The following DLGAP1 variants were observed in gnomAD, a reference collection of about 807,000 sequenced individuals.
DLGAP1 encodes DLG associated protein 1.
A neutral mutation model predicts 90.8 loss-of-function variants in DLGAP1; 11 were observed. The ratio of observed to expected loss-of-function variants is 0.12; its 90% CI spans 0.08 to 0.20. DLGAP1 has a LOEUF of 0.20. Among genes scored for constraint, DLGAP1 ranks in the 10% least tolerant of loss-of-function variants. The probability of loss-of-function intolerance (pLI) is 1.00; values close to 1 mark genes in which losing one functional copy is unlikely to be tolerated. For synonymous variants in DLGAP1, 558 were observed against 540.7 expected (o/e 1.03, Z -0.44); for missense variants, 1,050 against 1,333.8 (o/e 0.79, Z 3.31).
chr18:3,763,951 T>C (rs1198284163), intron 5 of DLGAP1, among the ~76,000 whole-genome samples: 3 of 152,154 alleles, frequency 2.0e-5, no homozygotes, highest in Admixed American at 6.5e-5. Flanking sequence ...CGTGCAGCAC[T>C]GCGCCTGGCC....
chr18:3,886,121 C>T (rs1387988047), intron 3 of DLGAP1, among the ~76,000 whole-genome samples: 1 of 152,128 alleles, frequency 6.6e-6, no homozygotes, highest in Non-Finnish European at 1.5e-5. Context: ...TGTCTTACCC[C>T]ATGAGGATGG....
At chr18:4,118,440 G>A (rs1329838618) in intron 2 of DLGAP1, among the ~76,000 whole-genome samples, 1 of 152,116 alleles carries the variant, frequency 6.6e-6, no homozygotes, top group Non-Finnish European at 1.5e-5. Context: ...GAAGTGAGCT[G>A]GGATGAAGGT....
chr18:4,276,121 G>C (rs2079406910), intron 1 of DLGAP1, among the ~76,000 whole-genome samples: 1 of 148,930 alleles, frequency 6.7e-6, no homozygotes, highest in Non-Finnish European at 1.5e-5. Context: ...AAGAAAAATG[G>C]GAAACCACTG....
At chr18:3,968,191 T>C (rs2073369385) in intron 3 of DLGAP1, among the ~76,000 whole-genome samples, 1 of 152,210 alleles carries the variant, frequency 6.6e-6, no homozygotes, top group Non-Finnish European at 1.5e-5. Context: ...CCTGCCCCAC[T>C]TCTTTCTCCT....
At chr18:4,382,697 A>T (rs368405815) in intron 1 of DLGAP1, among the ~76,000 whole-genome samples, 6 of 152,284 alleles carry the variant, frequency 3.9e-5, no homozygotes, top group African/African-American at 1.4e-4. Flanking sequence ...AGGAATGCTA[A>T]TTCAGTTTTT....
chr18:4,360,898 T>C (rs2081616995), intron 1 of DLGAP1, among the ~76,000 whole-genome samples: 1 of 152,032 alleles, frequency 6.6e-6, no homozygotes, highest in Non-Finnish European at 1.5e-5. Flanking sequence ...GAGAATCACT[T>C]GAACCCAACA....
intron 4 of DLGAP1, among the ~76,000 whole-genome samples, chr18:3,858,824 C>T (rs1317779413): frequency 6.6e-6 from 1 of 152,152 alleles, no homozygotes; most frequent in East Asian, 1.9e-4. Context: ...GGCATACCAT[C>T]TCACAAGAAA....
chr18:4,051,634 C>T (rs999758835), intron 2 of DLGAP1, among the ~76,000 whole-genome samples: 16 of 152,252 alleles, frequency 1.1e-4, no homozygotes, highest in East Asian at 1.9e-4. Context: ...ATCATTCTGC[C>T]GCTGGCCCCT....
intron 1 of DLGAP1, among the ~76,000 whole-genome samples, chr18:4,428,752 T>A (rs1408562915): frequency 1.3e-5 from 2 of 152,148 alleles, no homozygotes; most frequent in Non-Finnish European, 2.9e-5. Flanking sequence ...CAATTCAACC[T>A]CTTTTCTTCA....
chr18:3,895,280 T>TACACAC (rs35493688), intron 3 of DLGAP1, among the ~76,000 whole-genome samples: 3,231 of 137,316 alleles, frequency 0.024, 69 homozygotes, highest in African/African-American at 0.046. Context: ...GGATGTTTAT[T>TACACAC]ACACACACAC....
intron 2 of DLGAP1, among the ~76,000 whole-genome samples, chr18:4,057,037 AC>A (rs2075229667): frequency 1.3e-5 from 2 of 150,712 alleles, no homozygotes; most frequent in African/African-American, 2.4e-5. Flanking sequence ...ACACACACAC[AC>A]ACACACACAC....
At chr18:3,697,929 C>T (rs1356453149) in intron 7 of DLGAP1, among the ~76,000 whole-genome samples, 1 of 152,174 alleles carries the variant, frequency 6.6e-6, no homozygotes, top group Non-Finnish European at 1.5e-5. Context: ...ACTCCTTAAC[C>T]ATTATGTAAT....
At chr18:4,381,890 G>C (rs149955283) in intron 1 of DLGAP1, among the ~76,000 whole-genome samples, 6,252 of 152,216 alleles carry the variant, frequency 0.041, 166 homozygotes, top group Middle Eastern at 0.082. Context: ...CGTGGCTGGG[G>C]AGGCCTCACA....
At chr18:4,026,113 T>C (rs1291921906) in intron 2 of DLGAP1, among the ~76,000 whole-genome samples, 1 of 152,222 alleles carries the variant, frequency 6.6e-6, no homozygotes, top group African/African-American at 2.4e-5. Context: ...TTATAAAAGG[T>C]GACCACGGTT....
intron 5 of DLGAP1, among the ~76,000 whole-genome samples, chr18:3,747,571 AG>A (rs977750519): frequency 1.3e-5 from 2 of 152,234 alleles, no homozygotes; most frequent in African/African-American, 4.8e-5. Context: ...AAATGTTATC[AG>A]GGCAGTGACG....
At chr18:3,587,827 G>A (rs768488118) in intron 7 of DLGAP1, among the ~76,000 whole-genome samples, 10 of 152,042 alleles carry the variant, frequency 6.6e-5, no homozygotes, top group Non-Finnish European at 1.2e-4. Context: ...GAGGGTCCGC[G>A]GCTTCATTCT....
chr18:4,189,478 G>A (rs2077356228), intron 1 of DLGAP1, among the ~76,000 whole-genome samples: 1 of 152,068 alleles, frequency 6.6e-6, no homozygotes, highest in Non-Finnish European at 1.5e-5. Context: ...AAAAATCAAA[G>A]AAGGTCTAAA....
In DLGAP1 at chr18:3,894,971, C is replaced by T. The variant is rs80130983; in HGVS notation, c.-72-14831G>A. Among the ~76,000 whole-genome samples the T allele has an allele frequency of 8.0e-3, 1,215 of 152,256 alleles. 7 individuals carry two copies. Among genetic ancestry groups the T allele is most frequent in the Non-Finnish European group, 0.014 (927 of 68,026 alleles). On this transcript the variant is annotated intron_variant, in intron 3 of 12. Transcript: ENST00000315677. ...CACTAGCTTATGTAAGGGAACTATA[C>T]GAAATAGGCATTTATACTTGCTATG...
chr18:3,826,743 A>G (rs2067736820), intron 4 of DLGAP1, among the ~76,000 whole-genome samples: 2 of 152,098 alleles, frequency 1.3e-5, no homozygotes, highest in Admixed American at 1.3e-4. Context: ...GGAGGCTTTG[A>G]TGAGATACAG....
Sources: allele counts gnomAD v4.1 joint callset (sites outside exome capture counted in the v4.1 genomes callset), GRCh38; gene constraint gnomAD v4.1.1; transcripts MANE v1.5; gene names NCBI Gene and HGNC (gene_info 2026-07-23, HGNC 2026-07-21).